Variants in LRRC7 observed in about 807,000 individuals in gnomAD.
LRRC7 encodes leucine-rich repeat-containing protein 7.
A neutral mutation model predicts 175.7 loss-of-function variants in LRRC7; 23 were observed. The observed-to-expected ratio is 0.13, with a 90% confidence interval of 0.09 to 0.19. LRRC7 has a LOEUF of 0.19. Among genes scored for constraint, LRRC7 ranks in the 10% least tolerant of loss-of-function variants. The pLI, the probability that LRRC7 is intolerant of heterozygous loss-of-function variation, is 1.00. For missense variants in LRRC7, 1,354 were observed against 1,904.7 expected (o/e 0.71, Z 5.38); for synonymous variants, 685 against 680.9 (o/e 1.01, Z -0.09).
chr1:69,988,398 CA>C (rs896481305), intron 10 of LRRC7, among the ~76,000 whole-genome samples: 2 of 151,800 alleles, frequency 1.3e-5, no homozygotes, highest in African/African-American at 4.8e-5. Flanking sequence ...AGCAAGACTC[CA>C]TCTCTGAAAA....
At chr1:69,905,429 C>T (rs1415965262) in intron 7 of LRRC7, among the ~76,000 whole-genome samples, 2 of 151,994 alleles carry the variant, frequency 1.3e-5, no homozygotes, top group African/African-American at 4.8e-5. Context: ...CACAACAGTC[C>T]CCAGAGTGTG....
intron 7 of LRRC7, among the ~76,000 whole-genome samples, chr1:69,924,595 CTGTT>C (rs1471184088): frequency 2.0e-5 from 3 of 152,102 alleles, no homozygotes; most frequent in Non-Finnish European, 2.9e-5. Flanking sequence ...ATTTGGCTCT[CTGTT>C]TGTCTGTTAT....
intron 1 of LRRC7, among the ~76,000 whole-genome samples, chr1:69,592,233 G>T (rs1646665965): frequency 6.6e-6 from 1 of 151,688 alleles, no homozygotes; most frequent in African/African-American, 2.4e-5. Context: ...TTTGTAAAAA[G>T]GTGCAGACAT....
intron 7 of LRRC7, among the ~76,000 whole-genome samples, chr1:69,910,677 G>A (rs143937626): frequency 0.025 from 3,876 of 152,280 alleles, 137 homozygotes; most frequent in African/African-American, 0.088. Flanking sequence ...CAGTCTGCCC[G>A]CTCTCAGATC....
chr1:69,782,166 T>C (rs1673838836), intron 3 of LRRC7, among the ~76,000 whole-genome samples: 2 of 152,200 alleles, frequency 1.3e-5, no homozygotes, highest in Admixed American at 1.3e-4. Flanking sequence ...CACTTGCACC[T>C]ATGTAATAGG....
chr1:69,618,631 T>A (rs1375904976), intron 1 of LRRC7, among the ~76,000 whole-genome samples: 2 of 152,190 alleles, frequency 1.3e-5, no homozygotes, highest in Non-Finnish European at 2.9e-5. Context: ...TTCAGATTTA[T>A]GAACTTCTTC....
At chr1:69,692,350 C>G (rs761870242) in intron 2 of LRRC7, among the ~76,000 whole-genome samples, 1 of 152,210 alleles carries the variant, frequency 6.6e-6, no homozygotes, top group Non-Finnish European at 1.5e-5. Flanking sequence ...GGAAATCCCT[C>G]TACACAGAAA....
chr1:69,644,038 T>G (rs896099951), intron 1 of LRRC7, among the ~76,000 whole-genome samples: 7 of 152,052 alleles, frequency 4.6e-5, no homozygotes, highest in East Asian at 1.9e-4. Context: ...CTTGGCAAAA[T>G]TTTTAGTTTT....
At chr1:69,779,897 C>T (rs1310173492) in intron 3 of LRRC7, among the ~76,000 whole-genome samples, 1 of 152,210 alleles carries the variant, frequency 6.6e-6, no homozygotes, top group Non-Finnish European at 1.5e-5. Flanking sequence ...ACCTGTCCCA[C>T]CAACCCTACA....
chr1:69,615,850 A>G (rs2100282094), intron 1 of LRRC7, among the ~76,000 whole-genome samples: 1 of 152,158 alleles, frequency 6.6e-6, no homozygotes, highest in African/African-American at 2.4e-5. Flanking sequence ...CTGAATTGGA[A>G]AATCTCAAAT....
intron 7 of LRRC7, among the ~76,000 whole-genome samples, chr1:69,922,703 GT>G (rs1184833987): frequency 1.4e-4 from 21 of 152,212 alleles, no homozygotes; most frequent in African/African-American, 4.6e-4. Context: ...TAATCTCCAT[GT>G]TGTCAAATTA....
chr1:69,748,532 A>G (rs1005233154), intron 2 of LRRC7, among the ~76,000 whole-genome samples: 4 of 152,118 alleles, frequency 2.6e-5, no homozygotes, highest in African/African-American at 9.7e-5. Flanking sequence ...GACCATCAGT[A>G]TACTCAAAGT....
At chr1:70,097,715 G>A (rs1400670355) in intron 25 of LRRC7, among the ~76,000 whole-genome samples, 1 of 150,482 alleles carries the variant, frequency 6.6e-6, no homozygotes, top group African/African-American at 2.5e-5. Flanking sequence ...TGCGGTGTTT[G>A]GTTTTTTGTT....
Position 69,906,421 on chromosome 1 carries a change from T to G in LRRC7, c.648-25086T>G, listed in dbSNP as rs533312178. On this transcript the variant is annotated intron_variant, in intron 7 of 26. Coordinates refer to ENST00000651989, the MANE Select transcript of LRRC7 (RefSeq NM_001370785.2). ...TAACATGTAAGTCTTCAATCCATCT[T>G]GAATTAATTTTTGTATAAGGTGTAA... Among the ~76,000 whole-genome samples, 180 of 152,364 alleles carry G rather than the reference T, an allele frequency of 1.2e-3. 2 individuals are homozygous for G. The South Asian group carries it at 0.036, about 31-fold the overall frequency.
intron 24 of LRRC7, among the ~76,000 whole-genome samples, chr1:70,082,781 A>T (rs1177783576): frequency 9.6e-5 from 5 of 52,308 alleles, no homozygotes; most frequent in African/African-American, 1.2e-4. Flanking sequence ...ATACCAGTAC[A>T]TTTTTTTTTT....
Position 70,132,084 on chromosome 1 carries a change from G to A in LRRC7, c.*10197G>A, listed in dbSNP as rs1666686767. 6.6e-6 allele frequency: 1 copy of A among 152,116 alleles called. No homozygotes were observed. The highest frequency in any genetic ancestry group is 1.5e-5 in the Non-Finnish European group (1 of 68,022). The allele number at this position is 152,116 out of a possible 1,614,324, so 9.4% of individuals were successfully genotyped here. A position where few individuals can be genotyped will look rare whatever the true frequency, so the allele number is the denominator to read the frequency against. The stretch of plus-strand genomic sequence containing the variant: ...AGGACTGATACAGAGAATCAGAGAG[G>A]AACTGGATAAAAGAAATCAGATTCA... On this transcript the variant is annotated 3_prime_UTR_variant, in exon 27 of 27. Transcript: ENST00000651989.
intron 14 of LRRC7, among the ~76,000 whole-genome samples, chr1:70,017,894 GA>G (rs557141117): frequency 8.6e-5 from 13 of 151,978 alleles, no homozygotes; most frequent in African/African-American, 2.2e-4. Context: ...TGCATTATGG[GA>G]AAAAAATATG....
At position 69,661,778 on chromosome 1, in the gene LRRC7, G is replaced by A. The variant is rs77308798; in HGVS notation, c.3-16603G>A. On this transcript the variant is annotated intron_variant, in intron 1 of 26. Coordinates refer to ENST00000651989, the MANE Select transcript of LRRC7 (RefSeq NM_001370785.2). ...AAAATGAATGTCATTTATATTCTAT[G>A]TATGGTATATATTTAGACATTTATG... 6.7e-3 allele frequency among the ~76,000 whole-genome samples: 1,020 copies of A among 152,256 alleles called. 15 individuals carry two copies. The highest frequency in any genetic ancestry group is 0.023 in the African/African-American group (967 of 41,554).
intron 1 of LRRC7, among the ~76,000 whole-genome samples, chr1:69,648,013 A>G (rs1276052465): frequency 6.6e-6 from 1 of 152,196 alleles, no homozygotes; most frequent in African/African-American, 2.4e-5. Context: ...AAGTTTATCT[A>G]GTAATCCTTT....
Sources: allele counts gnomAD v4.1 joint callset (sites outside exome capture counted in the v4.1 genomes callset), GRCh38; gene constraint gnomAD v4.1.1; transcripts MANE v1.5; gene names NCBI Gene and HGNC (gene_info 2026-07-23, HGNC 2026-07-21).